Variants in CNTN5 observed in about 807,000 individuals in gnomAD.
CNTN5 encodes contactin-5.
In CNTN5, 77 loss-of-function variants were observed where a neutral mutation model predicts 129.1. That is an observed-to-expected ratio of 0.60 (90% CI 0.50 to 0.72). CNTN5 has a LOEUF of 0.72. Ranked by LOEUF, CNTN5 falls within the 30% of genes least tolerant of loss-of-function variation. The pLI, the probability that CNTN5 is intolerant of heterozygous loss-of-function variation, is 0.00. For missense variants in CNTN5, 1,478 were observed against 1,328.8 expected (o/e 1.11, Z -1.75); for synonymous variants, 509 against 465.6 (o/e 1.09, Z -1.20).
At chr11:99,376,090 C>T (rs116460662) in intron 2 of CNTN5, among the ~76,000 whole-genome samples, 8 of 152,080 alleles carry the variant, frequency 5.3e-5, no homozygotes, top group East Asian at 1.9e-4. Flanking sequence ...ATAGTTTCAG[C>T]GAGGTAGGAT....
chr11:99,589,953 C>G (rs1484151310), intron 3 of CNTN5, among the ~76,000 whole-genome samples: 1 of 152,100 alleles, frequency 6.6e-6, no homozygotes, highest in Non-Finnish European at 1.5e-5. Context: ...CACACACTAT[C>G]TAAACAATGA....
At chr11:100,029,188 C>T (rs924491673) in intron 9 of CNTN5, among the ~76,000 whole-genome samples, 1 of 151,766 alleles carries the variant, frequency 6.6e-6, no homozygotes, top group Non-Finnish European at 1.5e-5. Flanking sequence ...CAACTTGAAT[C>T]ATGTCTAAGA....
intron 3 of CNTN5, among the ~76,000 whole-genome samples, chr11:99,686,564 C>T (rs1587051): frequency 0.11 from 16,234 of 151,986 alleles, 957 homozygotes; most frequent in Admixed American, 0.15. Flanking sequence ...TTTGCAATGC[C>T]GTTATTTAAA....
At chr11:99,061,622 C>T (rs1368816459) in intron 1 of CNTN5, among the ~76,000 whole-genome samples, 24 of 152,096 alleles carry the variant, frequency 1.6e-4, no homozygotes, top group Admixed American at 1.6e-3. Flanking sequence ...GCAAAATCTT[C>T]ATAAAAGAAG....
chr11:99,047,078 AAGAG>A (rs534121082), intron 1 of CNTN5, among the ~76,000 whole-genome samples: 13 of 151,874 alleles, frequency 8.6e-5, no homozygotes, highest in Admixed American at 2.0e-4. Context: ...ACATGTTGGT[AAGAG>A]AGAGAGAAAG....
intron 3 of CNTN5, among the ~76,000 whole-genome samples, chr11:99,655,781 C>T (rs1420391933): frequency 6.6e-6 from 1 of 151,952 alleles, no homozygotes; most frequent in Non-Finnish European, 1.5e-5. Flanking sequence ...CACACACATA[C>T]ACACATAGGT....
At chr11:99,211,426 T>C (rs983138506) in intron 1 of CNTN5, among the ~76,000 whole-genome samples, 1 of 152,120 alleles carries the variant, frequency 6.6e-6, no homozygotes, top group South Asian at 2.1e-4. Context: ...AGTAGTACTT[T>C]TTAAAACTCT....
chr11:99,272,894 A>G (rs887913516), intron 1 of CNTN5, among the ~76,000 whole-genome samples: 6 of 151,908 alleles, frequency 3.9e-5, no homozygotes, highest in Admixed American at 6.6e-5. Context: ...TAAAAAACTT[A>G]TAACATTTAA....
Position 99,819,779 on chromosome 11 carries a change from G to C in CNTN5, c.277+14G>C. 2 of 131,098 alleles carry C rather than the reference G, an allele frequency of 1.5e-5. No homozygotes were observed. Among genetic ancestry groups the C allele is most frequent in the Non-Finnish European group, 1.2e-5 (1 of 85,070 alleles). 8.1% of individuals were successfully genotyped at this position (131,098 alleles called of 1,614,324 possible). ...TCAAACAAGATGGTAAGTGTCAAAGGAAAATGGCTCCAGATAGAATAAAGG... is the reference window on the plus strand; with the variant it reads ...TCAAACAAGATGGTAAGTGTCAAAGCAAAATGGCTCCAGATAGAATAAAGG... On this transcript the variant is annotated intron_variant, in intron 4 of 24. Coordinates refer to ENST00000524871, the MANE Select transcript of CNTN5 (RefSeq NM_014361.4).
chr11:100,183,758 G>A (rs1417412281), intron 13 of CNTN5, among the ~76,000 whole-genome samples: 1 of 152,112 alleles, frequency 6.6e-6, no homozygotes, highest in East Asian at 1.9e-4. Flanking sequence ...CTTTAAACAT[G>A]TGCGATTATA....
intron 2 of CNTN5, among the ~76,000 whole-genome samples, chr11:99,400,608 G>T (rs1941753584): frequency 6.6e-6 from 1 of 152,068 alleles, no homozygotes; most frequent in Admixed American, 6.6e-5. Flanking sequence ...TGGTGGAATT[G>T]CTGGGTCATA....
At chr11:99,078,018 T>G (rs943337571) in intron 1 of CNTN5, among the ~76,000 whole-genome samples, 3 of 152,156 alleles carry the variant, frequency 2.0e-5, no homozygotes, top group African/African-American at 7.2e-5. Flanking sequence ...AAATGTTAAG[T>G]GTATGTTGGA....
At chr11:99,840,460 A>G (rs1027369028) in intron 4 of CNTN5, among the ~76,000 whole-genome samples, 3 of 152,134 alleles carry the variant, frequency 2.0e-5, no homozygotes, top group African/African-American at 4.8e-5. Flanking sequence ...TGAGAAGTCC[A>G]TCATTCTTCG....
chr11:99,785,627 C>A (rs1269219884), intron 3 of CNTN5, among the ~76,000 whole-genome samples: 1 of 152,124 alleles, frequency 6.6e-6, no homozygotes, highest in African/African-American at 2.4e-5. Flanking sequence ...TCTAGCAGCA[C>A]ATTGAAAAGC....
At chr11:99,091,025 A>AAAAAAAAC (rs1866227579) in intron 1 of CNTN5, among the ~76,000 whole-genome samples, 1 of 148,456 alleles carries the variant, frequency 6.7e-6, no homozygotes, top group African/African-American at 2.5e-5. Flanking sequence ...CCGTCTCAAA[A>AAAAAAAAC]AAAAAAAAAA....
chr11:99,383,661 G>A (rs1193279141), intron 2 of CNTN5, among the ~76,000 whole-genome samples: 1 of 151,840 alleles, frequency 6.6e-6, no homozygotes, highest in African/African-American at 2.4e-5. Flanking sequence ...ATTCTGAGGA[G>A]TACCTATAAT....
intron 8 of CNTN5, among the ~76,000 whole-genome samples, chr11:100,001,032 T>C (rs1939835902): frequency 6.6e-6 from 1 of 152,236 alleles, no homozygotes; most frequent in African/African-American, 2.4e-5. Flanking sequence ...TGAGAGGGGC[T>C]GCTATGAAGA....
rs940921059 is a variant in CNTN5 at position 100,125,720 on chromosome 11, G to A, written c.1580+51426G>A. Among the ~76,000 whole-genome samples, 8 of 151,970 alleles carry A rather than the reference G, an allele frequency of 5.3e-5. No individual in the cohort carries two copies. In the East Asian group the frequency reaches 1.4e-3, roughly 26 times the overall value. On this transcript the variant is annotated intron_variant, in intron 13 of 24. Transcript: ENST00000524871. ...TGGGTCAAATGGAAGTTTGGCTAGTGGTCTATCAATTTTGCTTATCCTTTC... is the reference window on the plus strand; with the variant it reads ...TGGGTCAAATGGAAGTTTGGCTAGTAGTCTATCAATTTTGCTTATCCTTTC...
At chr11:99,181,869 A>G (rs1230650949) in intron 1 of CNTN5, among the ~76,000 whole-genome samples, 1 of 152,106 alleles carries the variant, frequency 6.6e-6, no homozygotes, top group African/African-American at 2.4e-5. Context: ...CTTGGGGGTT[A>G]ATTGTTGACA....
Sources: allele counts gnomAD v4.1 joint callset (sites outside exome capture counted in the v4.1 genomes callset), GRCh38; gene constraint gnomAD v4.1.1; transcripts MANE v1.5; gene names NCBI Gene and HGNC (gene_info 2026-07-23, HGNC 2026-07-21).